Variants in CYP19A1 observed in about 807,000 individuals in gnomAD.
CYP19A1 encodes aromatase.
In CYP19A1, 32 loss-of-function variants were observed where a neutral mutation model predicts 44.4. That is an observed-to-expected ratio of 0.72 (90% CI 0.54 to 0.97). The LOEUF (loss-of-function observed/expected upper bound fraction) is 0.97. Ranked by LOEUF, CYP19A1 falls within the 50% of genes least tolerant of loss-of-function variation. The pLI is 0.00. For missense variants in CYP19A1, 598 were observed against 637.8 expected (o/e 0.94, Z 0.67); for synonymous variants, 212 against 215.6 (o/e 0.98, Z 0.14).
intron 1 of CYP19A1, among the ~76,000 whole-genome samples, chr15:51,300,340 A>G (rs1433886598): frequency 6.6e-6 from 1 of 152,198 alleles, no homozygotes; most frequent in African/African-American, 2.4e-5. Flanking sequence ...CCTAAGCTAC[A>G]ACTCACGAGA....
At chr15:51,337,694 T>C (rs527618521) in intron 1 of CYP19A1, 2 of 152,520 alleles carry the variant, frequency 1.3e-5, no homozygotes, top group East Asian at 3.9e-4. Context: ...GATAGGTCAC[T>C]GTGTGGCACT....
chr15:51,242,675 C>T, intron 2 of CYP19A1, 93 bp downstream of exon 2: 3 of 793,598 alleles, frequency 3.8e-6, no homozygotes, highest in Non-Finnish European at 6.6e-6. Flanking sequence ...TCCAGGTTTG[C>T]TTTTTGTCCT....
intron 1 of CYP19A1, among the ~76,000 whole-genome samples, chr15:51,290,054 C>G (rs2035807519): frequency 6.6e-6 from 1 of 152,174 alleles, no homozygotes; most frequent in South Asian, 2.1e-4. Context: ...GTGTGGTCTC[C>G]CCTGGGGTCA....
At chr15:51,331,909 G>C (rs2036707286) in intron 1 of CYP19A1, among the ~76,000 whole-genome samples, 1 of 150,014 alleles carries the variant, frequency 6.7e-6, no homozygotes, top group African/African-American at 2.5e-5. Flanking sequence ...TTTATTTCTT[G>C]TATGTGTGTG....
intron 1 of CYP19A1, among the ~76,000 whole-genome samples, chr15:51,257,364 TAGC>T (rs1423076655): frequency 6.6e-6 from 1 of 152,172 alleles, no homozygotes; most frequent in Non-Finnish European, 1.5e-5. Flanking sequence ...TTGGAAGTAA[TAGC>T]AGGCCTAGGT....
At chr15:51,244,902 G>C (rs1313112615) in intron 1 of CYP19A1, among the ~76,000 whole-genome samples, 1 of 152,204 alleles carries the variant, frequency 6.6e-6, no homozygotes, top group East Asian at 1.9e-4. Flanking sequence ...TATGCAAAGA[G>C]AAGAAGGCAA....
At chr15:51,222,586 C>A in intron 4 of CYP19A1, 61 bp from the exon 5 acceptor site, 4 of 1,416,030 alleles carry the variant, frequency 2.8e-6, no homozygotes, top group Non-Finnish European at 4.0e-6. Context: ...CACAATCATG[C>A]CATTTTGGCT....
chr15:51,221,635 T>C (rs1289123249), intron 5 of CYP19A1: 2 of 152,192 alleles, frequency 1.3e-5, no homozygotes, highest in Non-Finnish European at 2.9e-5. Context: ...AAGTTGCAAA[T>C]TGGTTTAATC....
chr15:51,244,604 G>A (rs982871649), intron 1 of CYP19A1, among the ~76,000 whole-genome samples: 2 of 152,172 alleles, frequency 1.3e-5, no homozygotes, highest in African/African-American at 2.4e-5. Flanking sequence ...ATCATTCTGA[G>A]TAAGTTCTAT....
intron 1 of CYP19A1, among the ~76,000 whole-genome samples, chr15:51,328,547 G>GGTGTGTGT (rs56202041): frequency 1.9e-4 from 28 of 147,422 alleles, no homozygotes; most frequent in Admixed American, 4.1e-4. Flanking sequence ...ACAGGGCAGG[G>GGTGTGTGT]GTGTGTGTGT....
intron 4 of CYP19A1, among the ~76,000 whole-genome samples, chr15:51,226,426 T>TGTGGCAATTTGTTACA (rs2032583947): frequency 6.6e-6 from 1 of 152,310 alleles, no homozygotes; most frequent in South Asian, 2.1e-4. Flanking sequence ...CCACTTAGTT[T>TGTGGCAATTTGTTACA]GTGGCAATTT....
At chr15:51,237,703 C>T (rs1041071075) in intron 2 of CYP19A1, among the ~76,000 whole-genome samples, 4 of 152,080 alleles carry the variant, frequency 2.6e-5, no homozygotes, top group African/African-American at 7.2e-5. Flanking sequence ...TGGTTTTAGC[C>T]GAGAGTAGTG....
Position 51,272,983 on chromosome 15 carries a change from G to T in CYP19A1, c.-38-30033C>A, listed in dbSNP as rs116329680. On this transcript the variant is annotated intron_variant, in intron 1 of 9. Transcript: ENST00000396402. Reference sequence around the variant, plus strand: ...TTTCCTCACTTTTTTTTTTGAGATGGAGTTTCACTCTTTCGCCCAGGCTAG... The same window carrying T: ...TTTCCTCACTTTTTTTTTTGAGATGTAGTTTCACTCTTTCGCCCAGGCTAG... Among the ~76,000 whole-genome samples the T allele has an allele frequency of 5.0e-4, 76 of 151,990 alleles. 1 individual carries two copies. The highest frequency in any genetic ancestry group is 1.7e-3 in the African/African-American group (71 of 41,474).
At chr15:51,333,969 C>T in intron 1 of CYP19A1, among the ~76,000 whole-genome samples, 1 of 152,274 alleles carries the variant, frequency 6.6e-6, no homozygotes, top group Middle Eastern at 3.4e-3. Flanking sequence ...TGACAGTTCC[C>T]CTACATGGTT....
intron 1 of CYP19A1, among the ~76,000 whole-genome samples, chr15:51,334,946 A>G (rs115702058): frequency 0.047 from 7,119 of 152,252 alleles, 549 homozygotes; most frequent in African/African-American, 0.16. Context: ...GGACACTCTG[A>G]TGAGCAATAC....
At chr15:51,335,668 G>T (rs1690125802) in intron 1 of CYP19A1, among the ~76,000 whole-genome samples, 1 of 152,188 alleles carries the variant, frequency 6.6e-6, no homozygotes, top group Non-Finnish European at 1.5e-5. Context: ...ATCATACATG[G>T]TTTCCATAGT....
chr15:51,303,163 A>G (rs1189369776), intron 1 of CYP19A1, among the ~76,000 whole-genome samples: 3 of 152,172 alleles, frequency 2.0e-5, no homozygotes, highest in African/African-American at 7.2e-5. Context: ...CTTTGCACTA[A>G]ATAGTGGAGA....
At position 51,247,026 on chromosome 15, in the gene CYP19A1, C is replaced by T. The variant is rs12591274; in HGVS notation, c.-38-4076G>A. 1.7e-3 allele frequency among the ~76,000 whole-genome samples: 260 copies of T among 152,314 alleles called. 1 individual carries two copies. The South Asian group carries it at 0.024, about 14-fold the overall frequency. On this transcript the variant is annotated intron_variant, in intron 1 of 9. Transcript: ENST00000396402. ...CCTTACTACTGCCTGATCTGTACCT[C>T]TTCCCTGTCTATGTTTGTTCTTGAT...
intron 1 of CYP19A1, chr15:51,323,862 C>G (rs912084279): frequency 6.6e-6 from 1 of 152,230 alleles, no homozygotes; most frequent in African/African-American, 2.4e-5. Flanking sequence ...TTTTTCCCCC[C>G]AAGAACACTC....
Sources: gnomAD v4.1 joint callset for allele counts (sites outside exome capture counted in the v4.1 genomes callset) on GRCh38, gnomAD v4.1.1 for gene constraint, MANE v1.5 for transcripts, NCBI Gene and HGNC (gene_info 2026-07-23, HGNC 2026-07-21) for gene names.